ABLIM1: variants seen among roughly 807,000 people sequenced by gnomAD.
ABLIM1 encodes actin-binding LIM protein 1.
Under a neutral mutation model 107.0 loss-of-function variants are expected in ABLIM1, and 40 were observed. The observed-to-expected ratio is 0.37, with a 90% CI of 0.29 to 0.49. The LOEUF (loss-of-function observed/expected upper bound fraction) is 0.49, where lower values mean the gene tolerates loss of function less well. Ranked by LOEUF, ABLIM1 falls within the 20% of genes least tolerant of loss-of-function variation. ABLIM1 has a pLI of 0.97. For synonymous variants in ABLIM1, 357 were observed against 357.3 expected (o/e 1.00, Z 0.01); for missense variants, 857 against 1,008.5 (o/e 0.85, Z 2.04).
chr10:114,718,070 A>AAGGAAGGAAGGAAGGAAGG (rs1566269566), intron 1 of ABLIM1, among the ~76,000 whole-genome samples: 14 of 54,104 alleles, frequency 2.6e-4, no homozygotes, highest in African/African-American at 5.9e-4. Flanking sequence ...AGAAAGGAAG[A>AAGGAAGGAAGGAAGGAAGG]AAGGAAGGAA....
chr10:114,493,719 T>C (rs1054406231), intron 6 of ABLIM1, among the ~76,000 whole-genome samples: 1 of 152,164 alleles, frequency 6.6e-6, no homozygotes, highest in African/African-American at 2.4e-5. Context: ...CAATGCAAGA[T>C]CTACACAAAG....
Position 114,547,788 on chromosome 10 carries a change from C to T in ABLIM1, c.674-12G>A, listed in dbSNP as rs182044256. The T allele has an allele frequency of 6.2e-7, 1 of 1,605,596 alleles. No individual in the cohort carries two copies. The highest frequency in any genetic ancestry group is 8.5e-7 in the Non-Finnish European group (1 of 1,179,788). ...GCAGCCGGCACAATCTGAAAAAGAG[C>T]AGCCGCCAGTGGTTACTACACATTT... On this transcript the variant is annotated splice_polypyrimidine_tract_variant and intron_variant, in intron 4 of 22. Transcript: ENST00000533213.
At chr10:114,439,901 G>A in intron 20 of ABLIM1, 181 bp downstream of exon 20, 2 of 1,041,102 alleles carry the variant, frequency 1.9e-6, no homozygotes, top group East Asian at 2.6e-5. Flanking sequence ...AGGCCTGCAG[G>A]GACAGCTTGA....
At chr10:114,704,271 G>GCGCTCTCTCTCT (rs1415589522) in intron 1 of ABLIM1, among the ~76,000 whole-genome samples, 1 of 40,958 alleles carries the variant, frequency 2.4e-5, no homozygotes, top group Non-Finnish European at 5.3e-5. Context: ...TCTCTCTCTC[G>GCGCTCTCTCTCT]CTCTCTCTCT....
intron 1 of ABLIM1, among the ~76,000 whole-genome samples, chr10:114,611,004 T>C (rs903650202): frequency 4.0e-5 from 6 of 151,650 alleles, no homozygotes; most frequent in African/African-American, 1.5e-4. Flanking sequence ...ATACAAAAGA[T>C]TAGCCAGGTG....
chr10:114,575,725 C>G (rs2138975803), intron 2 of ABLIM1, 126 bp from the exon 3 acceptor site: 2 of 947,182 alleles, frequency 2.1e-6, no homozygotes, highest in Non-Finnish European at 3.1e-6. Context: ...GAGGGGATGG[C>G]TACAAAGAGC....
chr10:114,474,534 C>A (rs1376657770), intron 8 of ABLIM1, among the ~76,000 whole-genome samples: 1 of 152,134 alleles, frequency 6.6e-6, no homozygotes. Context: ...GCACCTGCCA[C>A]CATGCCCGGC....
chr10:114,733,176 T>A (rs562888229), intron 1 of ABLIM1, among the ~76,000 whole-genome samples: 2 of 152,242 alleles, frequency 1.3e-5, no homozygotes, highest in South Asian at 4.1e-4. Context: ...TTAGAAAGAT[T>A]GGGTGGGATG....
At chr10:114,734,411 C>G (rs1423732950) in intron 1 of ABLIM1, among the ~76,000 whole-genome samples, 1 of 152,160 alleles carries the variant, frequency 6.6e-6, no homozygotes. Flanking sequence ...AGGTTTCCAA[C>G]CTTACTCCAA....
the ABLIM1 span, among the ~76,000 whole-genome samples, chr10:114,796,296 A>G: frequency 6.6e-6 from 1 of 152,160 alleles, no homozygotes; most frequent in Non-Finnish European, 1.5e-5. Context: ...AGGTTGCGAT[A>G]AAGATGTCAG....
intron 1 of ABLIM1, among the ~76,000 whole-genome samples, chr10:114,763,100 G>A (rs1384520673): frequency 6.6e-6 from 1 of 152,176 alleles, no homozygotes; most frequent in Non-Finnish European, 1.5e-5. Flanking sequence ...GTTTCACTGA[G>A]TGATTGCTTC....
At chr10:114,567,421 G>T (rs1266531531) in intron 4 of ABLIM1, among the ~76,000 whole-genome samples, 1 of 152,186 alleles carries the variant, frequency 6.6e-6, no homozygotes, top group Non-Finnish European at 1.5e-5. Context: ...AGGATTAAAT[G>T]AGTTAATAAT....
At chr10:114,601,577 T>A in intron 2 of ABLIM1, 1 of 586,646 alleles carries the variant, frequency 1.7e-6, no homozygotes, top group Admixed American at 2.4e-5. Flanking sequence ...TCGTTCTCAG[T>A]GTTAGTCCCT....
At chr10:114,564,056 A>AT (rs1211408606) in intron 4 of ABLIM1, among the ~76,000 whole-genome samples, 1 of 150,506 alleles carries the variant, frequency 6.6e-6, no homozygotes, top group African/African-American at 2.5e-5. Context: ...AAAATCAGTG[A>AT]TTTTGCATAT....
In ABLIM1 at chr10:114,432,820, T is replaced by C. The variant is rs756006072; in HGVS notation, c.*3440A>G. On this transcript the variant is annotated 3_prime_UTR_variant, in exon 23 of 23. Transcript: ENST00000533213. ...TAAAAAAAAACAACAACTCATTAAC[T>C]CTATCTCTTTGAGGTTTTGGAGAAC... 3 of 152,148 alleles carry C rather than the reference T, an allele frequency of 2.0e-5. No individual in the cohort carries two copies. The highest frequency in any genetic ancestry group is 4.4e-5 in the Non-Finnish European group (3 of 68,034). 9.4% of individuals were successfully genotyped at this position (152,148 alleles called of 1,614,324 possible).
intron 4 of ABLIM1, among the ~76,000 whole-genome samples, chr10:114,557,267 T>C (rs1473413098): frequency 6.6e-6 from 1 of 152,200 alleles, no homozygotes; most frequent in Non-Finnish European, 1.5e-5. Flanking sequence ...TTAATGGCCA[T>C]GCTGGACACA....
In ABLIM1 at chr10:114,559,180, G is replaced by C. The variant is rs533660896; in HGVS notation, c.674-11404C>G. Among the ~76,000 whole-genome samples the C allele has an allele frequency of 3.0e-4, 46 of 152,046 alleles. 1 individual carries two copies. The highest frequency in any genetic ancestry group is 8.4e-4 in the African/African-American group (35 of 41,498). Reference sequence around the variant, plus strand: ...GGGACTGACCTGAAATCAAAAGAAGGGTTCTCTTTCGCCTGAAAATGCCAT... The same window carrying C: ...GGGACTGACCTGAAATCAAAAGAAGCGTTCTCTTTCGCCTGAAAATGCCAT... On this transcript the variant is annotated intron_variant, in intron 4 of 22. Coordinates refer to ENST00000533213, the MANE Select transcript of ABLIM1 (RefSeq NM_002313.7).
intron 3 of ABLIM1, among the ~76,000 whole-genome samples, chr10:114,574,716 A>G (rs2072243082): frequency 1.3e-5 from 2 of 152,200 alleles, no homozygotes; most frequent in Non-Finnish European, 2.9e-5. Context: ...TGCTGGGATT[A>G]TAAGGGTGAG....
intron 1 of ABLIM1, among the ~76,000 whole-genome samples, chr10:114,615,770 C>G (rs938786338): frequency 6.6e-6 from 1 of 151,250 alleles, no homozygotes; most frequent in South Asian, 2.1e-4. Context: ...CAATACCACT[C>G]AACCGATGAC....
Sources: gnomAD v4.1 joint callset for allele counts (sites outside exome capture counted in the v4.1 genomes callset) on GRCh38, gnomAD v4.1.1 for gene constraint, MANE v1.5 for transcripts, NCBI Gene and HGNC (gene_info 2026-07-23, HGNC 2026-07-21) for gene names.